The following PMPCB variants were observed in gnomAD, a reference collection of about 807,000 sequenced individuals.
PMPCB encodes mitochondrial-processing peptidase subunit beta.
In PMPCB, 46 loss-of-function variants were observed where a neutral mutation model predicts 61.5. The ratio of observed to expected loss-of-function variants is 0.75; its 90% CI spans 0.59 to 0.96. PMPCB has a LOEUF of 0.96. Among genes scored for constraint, PMPCB ranks in the 40% least tolerant of loss-of-function variants. The probability of loss-of-function intolerance (pLI) is 0.00; values close to 1 mark genes in which losing one functional copy is unlikely to be tolerated. For missense variants in PMPCB, 590 were observed against 602.4 expected, an observed-to-expected ratio of 0.98 and a Z score of 0.22; for synonymous variants, 191 against 201.6, an observed-to-expected ratio of 0.95 and a Z score of 0.44.
intron 9 of PMPCB, chr7:103,311,320 A>G (rs1046670446): frequency 3.6e-6 from 1 of 280,028 alleles, no homozygotes; most frequent in African/African-American, 2.2e-5. Flanking sequence ...AAACCAATGA[A>G]TGACCCACTG....
chr7:103,330,896 A>G (rs982239284), downstream of PMPCB, among the ~76,000 whole-genome samples: 1 of 151,320 alleles, frequency 6.6e-6, no homozygotes, highest in African/African-American at 2.4e-5. Flanking sequence ...TTTTTTCATG[A>G]TACAAGTATC....
intron 12 of PMPCB, chr7:103,327,760 AAACCAGTCAGATTGAG>A (rs1818783079): frequency 1.3e-6 from 2 of 1,597,914 alleles, no homozygotes; most frequent in African/African-American, 2.7e-5. Context: ...TTTATCTACA[AAACCAGTCAGATTGAG>A]ATAATTTGTC....
At chr7:103,323,547 T>TA in intron 12 of PMPCB, 1 of 1,397,700 alleles carries the variant, frequency 7.2e-7, no homozygotes, top group South Asian at 1.4e-5. Flanking sequence ...TCATCACAAA[T>TA]ACCAGAGAAC....
At chr7:103,315,690 A>T (rs989149378), downstream of PMPCB, 3 of 943,982 alleles carry the variant, frequency 3.2e-6, no homozygotes, top group Admixed American at 4.2e-5. Context: ...CTGAACATAG[A>T]CCCTAAGTCT....
exon 13 of PMPCB, chr7:103,329,491 TTGAC>T (rs1818877697): frequency 6.6e-6 from 1 of 152,286 alleles, no homozygotes; most frequent in African/African-American, 2.4e-5. Flanking sequence ...TTTATTTACA[TTGAC>T]TGATCATTTC....
intron 1 of PMPCB, 142 bp downstream of exon 1, chr7:103,297,700 G>A: frequency 6.5e-7 from 1 of 1,536,452 alleles, no homozygotes; most frequent in South Asian, 1.2e-5. Flanking sequence ...AGGCGGCCTG[G>A]GGCTGCTGAA....
At position 103,312,049 on chromosome 7, in the gene PMPCB, AT is replaced by A. The variant is rs752691761; in HGVS notation, c.1330-4del. 3.7e-6 allele frequency: 6 copies of A among 1,612,622 alleles called. No individual in the cohort carries two copies. In the South Asian group the frequency reaches 6.6e-5, roughly 18 times the overall value. ...ACAGCTGAATGACAGTGTCTTCCAT[AT>A]TTCAGGCTGTGAATGCTGAGACAAT... On this transcript the variant is annotated splice_polypyrimidine_tract_variant and splice_region_variant and intron_variant, in intron 11 of 12. Transcript: ENST00000249269.
the PMPCB span, chr7:103,335,698 A>G: frequency 1.3e-4 from 20 of 152,040 alleles, no homozygotes; most frequent in Non-Finnish European, 2.9e-5. Flanking sequence ...GGCATGCGCC[A>G]CCGCACCTGG....
chr7:103,316,576 T>C (rs1369442918), downstream of PMPCB: 1 of 432,488 alleles, frequency 2.3e-6, no homozygotes, highest in Non-Finnish European at 4.1e-6. Flanking sequence ...TAAGCCAACA[T>C]AAATCAAGAC....
chr7:103,327,497 G>T, intron 12 of PMPCB: 1 of 677,742 alleles, frequency 1.5e-6, no homozygotes, highest in Non-Finnish European at 2.5e-6. Context: ...GTGTCGTGAG[G>T]CTCTGGGGTG....
chr7:103,320,576 C>G (rs1244709616), intron 12 of PMPCB, among the ~76,000 whole-genome samples: 1 of 151,172 alleles, frequency 6.6e-6, no homozygotes, highest in Non-Finnish European at 1.5e-5. Context: ...CTGGCTAACA[C>G]AGTGAAACCC....
At chr7:103,338,811 G>C in the PMPCB span, among the ~76,000 whole-genome samples, 73 of 152,166 alleles carry the variant, frequency 4.8e-4, no homozygotes, top group African/African-American at 1.8e-3. Context: ...TCGGGAGGCT[G>C]AGGCAAGATA....
At position 103,297,437 on chromosome 7, in the gene PMPCB, C is replaced by T. The variant is rs2301861; in HGVS notation, c.-23C>T. ...GCGACCCCGGAAGCACATCCTTCATCCTCTACCTTCCTTCTAGCAGAAATG... is the reference window on the plus strand; with the variant it reads ...GCGACCCCGGAAGCACATCCTTCATTCTCTACCTTCCTTCTAGCAGAAATG... On this transcript the variant is annotated 5_prime_UTR_variant, in exon 1 of 13. Transcript: ENST00000249269. 11,686 of 1,533,296 alleles carry T rather than the reference C, an allele frequency of 7.6e-3. 678 individuals carry two copies. The East Asian group carries it at 0.16, about 21-fold the overall frequency. 95.0% of individuals were successfully genotyped at this position (1,533,296 alleles called of 1,614,324 possible). A position where few individuals can be genotyped will look rare whatever the true frequency, so the allele number is the denominator to read the frequency against.
At chr7:103,325,993 A>G (rs139092209) in intron 12 of PMPCB, among the ~76,000 whole-genome samples, 42 of 152,234 alleles carry the variant, frequency 2.8e-4, no homozygotes, top group Middle Eastern at 6.8e-3. Flanking sequence ...TTTCTCTCAA[A>G]GCAAAATTTT....
chr7:103,319,573 C>T, downstream of PMPCB: 1 of 1,597,420 alleles, frequency 6.3e-7, no homozygotes. Context: ...GAATTAAATG[C>T]TACATATAGG....
At position 103,311,823 on chromosome 7, in the gene PMPCB, G is replaced by T; in HGVS notation, c.1256G>T (p.Cys419Phe). 6.2e-7 allele frequency: 1 copy of T among 1,612,156 alleles called. No individual in the cohort carries two copies. Among genetic ancestry groups the T allele is most frequent in the Non-Finnish European group, 8.5e-7 (1 of 1,178,518 alleles). The change falls in exon 11 of 13, where the codon TGT becomes TTT. Residue 419 changes from cysteine (C) to phenylalanine (F), a missense_variant. By Grantham distance (205) the Cys-to-Phe change is radical. Transcript: ENST00000249269. ...CTTTAAACAGGTTCAACTCCAATTT[G>T]TGAAGATATTGGTAGGCAAATGTTA... ...LLQLDGSTPI[C>F]EDIGRQMLCY...
the PMPCB span, among the ~76,000 whole-genome samples, chr7:103,334,628 A>G: frequency 7.2e-5 from 11 of 151,806 alleles, no homozygotes; most frequent in South Asian, 2.1e-4. Flanking sequence ...AAAAAAAAAA[A>G]AGAGAGACAA....
At chr7:103,337,660 G>T in the PMPCB span, 1 of 1,169,730 alleles carries the variant, frequency 8.5e-7, no homozygotes, top group Non-Finnish European at 1.3e-6. Context: ...CTATGATACT[G>T]TATATCTTTT....
chr7:103,298,630 T>G lies in PMPCB; in HGVS notation c.162T>G (p.Asn54Lys). The G allele has an allele frequency of 6.2e-7, 1 of 1,614,114 alleles. No homozygotes were observed. The highest frequency in any genetic ancestry group is 8.5e-7 in the Non-Finnish European group (1 of 1,179,934). ...AGGCTGCTACCCAAGTTGTTCTGAA[T>G]GTTCCTGAAACAAGAGTAACATGTT... ...STQAATQVVLNVPETRVTCLE... is the reference protein window; with the variant it reads ...STQAATQVVLKVPETRVTCLE... Residue 54 changes from asparagine (N) to lysine (K), a missense_variant, in exon 2 of 13, where the codon AAT (asparagine) becomes AAG (lysine). Coordinates refer to ENST00000249269, the MANE Select transcript of PMPCB (RefSeq NM_004279.3).
Sources: gnomAD v4.1 joint callset for allele counts (sites outside exome capture counted in the v4.1 genomes callset) on GRCh38, gnomAD v4.1.1 for gene constraint, MANE v1.5 for transcripts, NCBI Gene and HGNC (gene_info 2026-07-23, HGNC 2026-07-21) for gene names.